MSRA: variants seen among roughly 807,000 people sequenced by gnomAD.
The protein encoded by MSRA is mitochondrial peptide methionine sulfoxide reductase.
MSRA carries 54 observed loss-of-function variants against 31.3 expected under a neutral mutation model. That is an observed-to-expected ratio of 1.73 (90% CI 1.39 to 2.17). The LOEUF (loss-of-function observed/expected upper bound fraction) is 2.17, where lower values mean the gene tolerates loss of function less well. Among genes scored for constraint, MSRA ranks in the 30% most tolerant of loss-of-function variants. The pLI is 0.00. For missense variants in MSRA, 507 were observed against 300.9 expected (o/e 1.69, Z -5.07); for synonymous variants, 169 against 116.5 (o/e 1.45, Z -2.90).
chr8:10,252,259 C>T (rs2129087112), intron 3 of MSRA, among the ~76,000 whole-genome samples: 1 of 152,226 alleles, frequency 6.6e-6, no homozygotes, highest in South Asian at 2.1e-4. Flanking sequence ...CTAGAACACC[C>T]AAAAGAAGTT....
chr8:10,251,043 A>C (rs1797889988), intron 3 of MSRA: 1 of 152,258 alleles, frequency 6.6e-6, no homozygotes, highest in Admixed American at 6.5e-5. Context: ...TATGCCTGGC[A>C]CAGCACACGG....
At position 10,245,999 on chromosome 8, in the gene MSRA, G is replaced by T. The variant is rs144909046; in HGVS notation, c.331+776G>T. Reference sequence around the variant, plus strand: ...CACTGAAAGCCGTGCTATAATGCAGGGATCAGCAAACTATTGACTTGACTC... The same window carrying T: ...CACTGAAAGCCGTGCTATAATGCAGTGATCAGCAAACTATTGACTTGACTC... On this transcript the variant is annotated intron_variant, in intron 3 of 5. Transcript: ENST00000317173. 1.4e-4 allele frequency among the ~76,000 whole-genome samples: 22 copies of T among 152,242 alleles called. No homozygotes were observed. In the East Asian group the frequency reaches 3.3e-3, roughly 23 times the overall value.
intron 1 of MSRA, among the ~76,000 whole-genome samples, chr8:10,204,571 A>G (rs766295648): frequency 6.6e-6 from 1 of 152,260 alleles, no homozygotes; most frequent in Non-Finnish European, 1.5e-5. Flanking sequence ...GCAATAGACT[A>G]TACCACATAG....
At chr8:10,145,339 C>G (rs867340288) in intron 1 of MSRA, among the ~76,000 whole-genome samples, 6 of 152,172 alleles carry the variant, frequency 3.9e-5, no homozygotes, top group Admixed American at 2.0e-4. Context: ...TGGAATAAGA[C>G]ATTTCGGTTA....
intron 3 of MSRA, among the ~76,000 whole-genome samples, chr8:10,251,822 C>T (rs576697474): frequency 3.3e-5 from 5 of 151,022 alleles, no homozygotes; most frequent in Non-Finnish European, 7.4e-5. Flanking sequence ...GCAAGCTTGG[C>T]TTCTCTACCA....
chr8:10,200,873 C>G (rs1235687813), intron 1 of MSRA, among the ~76,000 whole-genome samples: 1 of 152,138 alleles, frequency 6.6e-6, no homozygotes, highest in Non-Finnish European at 1.5e-5. Context: ...GAGTGACAGC[C>G]ACCTCATCCT....
intron 1 of MSRA, among the ~76,000 whole-genome samples, chr8:10,185,407 C>T (rs1198562918): frequency 1.3e-5 from 2 of 152,130 alleles, no homozygotes; most frequent in East Asian, 1.9e-4. Context: ...ATAGGCAAAA[C>T]GATCTGATGA....
intron 1 of MSRA, among the ~76,000 whole-genome samples, chr8:10,115,458 G>C (rs758030741): frequency 7.2e-5 from 11 of 152,196 alleles, no homozygotes; most frequent in Non-Finnish European, 1.3e-4. Context: ...AGAGGGAGCA[G>C]GGCCCCTCCA....
intron 2 of MSRA, among the ~76,000 whole-genome samples, chr8:10,217,153 T>G (rs1810062669): frequency 6.6e-6 from 1 of 152,230 alleles, no homozygotes; most frequent in Non-Finnish European, 1.5e-5. Context: ...TCTAAAAATG[T>G]ACACGTTTGG....
chr8:10,247,034 C>T, intron 3 of MSRA, among the ~76,000 whole-genome samples: 1 of 152,210 alleles, frequency 6.6e-6, no homozygotes, highest in East Asian at 1.9e-4. Context: ...TACCTATTAT[C>T]CTCAAGCAGC....
At chr8:10,082,136 G>T (rs180815027) in intron 1 of MSRA, among the ~76,000 whole-genome samples, 22 of 152,106 alleles carry the variant, frequency 1.4e-4, no homozygotes, top group Admixed American at 1.4e-3. Flanking sequence ...AGCACAGGAG[G>T]TCAAGACTGA....
intron 5 of MSRA, among the ~76,000 whole-genome samples, chr8:10,371,672 G>A (rs1241192592): frequency 5.9e-5 from 9 of 152,108 alleles, no homozygotes; most frequent in Non-Finnish European, 1.2e-4. Context: ...TTAGCTACCA[G>A]AAGCTCCTTG....
chr8:10,331,419 G>A (rs1481125343), intron 5 of MSRA, among the ~76,000 whole-genome samples: 1 of 152,062 alleles, frequency 6.6e-6, no homozygotes, highest in African/African-American at 2.4e-5. Flanking sequence ...ACGGCTTTTC[G>A]GTGCTTTCTC....
At chr8:10,102,778 A>G (rs1177152641) in intron 1 of MSRA, among the ~76,000 whole-genome samples, 2 of 152,112 alleles carry the variant, frequency 1.3e-5, no homozygotes, top group Non-Finnish European at 2.9e-5. Flanking sequence ...GCACTCCCTC[A>G]TTTCTGTGAG....
chr8:10,214,563 C>T (rs1339441730), intron 2 of MSRA, among the ~76,000 whole-genome samples: 1 of 151,968 alleles, frequency 6.6e-6, no homozygotes, highest in African/African-American at 2.4e-5. Context: ...TGAATCTTGA[C>T]TGAAAACTAC....
intron 5 of MSRA, among the ~76,000 whole-genome samples, chr8:10,346,688 C>A (rs543423411): frequency 6.6e-6 from 1 of 152,134 alleles, no homozygotes; most frequent in Non-Finnish European, 1.5e-5. Context: ...TAACAAGATG[C>A]GGGGAATCTT....
At position 10,415,536 on chromosome 8, in the gene MSRA, C is replaced by T. The variant is rs200518726; in HGVS notation, c.544-12612C>T. The stretch of plus-strand genomic sequence containing the variant: ...GGGTGTGCAGCTGGGTCCCCAGAGA[C>T]GAGTACGCAGAAATAGGCCACAGCT... On this transcript the variant is annotated intron_variant, in intron 5 of 5. Transcript: ENST00000317173. Among the ~76,000 whole-genome samples the T allele has an allele frequency of 2.8e-4, 42 of 152,194 alleles. 1 individual carries two copies. In the East Asian group the frequency reaches 4.5e-3, roughly 16 times the overall value.
intron 3 of MSRA, among the ~76,000 whole-genome samples, chr8:10,256,847 T>A (rs1344361095): frequency 1.3e-5 from 2 of 152,134 alleles, no homozygotes; most frequent in East Asian, 3.9e-4. Flanking sequence ...ATTTCTCAGT[T>A]TGGGAGGACC....
At chr8:10,059,191 C>G (rs1469501828) in intron 1 of MSRA, 2 of 152,296 alleles carry the variant, frequency 1.3e-5, no homozygotes, top group Non-Finnish European at 1.5e-5. Context: ...GGTTGGATCT[C>G]TACACCGTAA....
Sources: allele counts gnomAD v4.1 joint callset (sites outside exome capture counted in the v4.1 genomes callset), GRCh38; gene constraint gnomAD v4.1.1; transcripts MANE v1.5; gene names NCBI Gene and HGNC (gene_info 2026-07-23, HGNC 2026-07-21).